The following ARHGEF3 variants were observed in gnomAD, a reference collection of about 807,000 sequenced individuals.
ARHGEF3 encodes 59.8 kDA protein.
ARHGEF3 carries 28 observed loss-of-function variants against 63.2 expected under a neutral mutation model. The ratio of observed to expected loss-of-function variants is 0.44; its 90% CI spans 0.33 to 0.61. The LOEUF (loss-of-function observed/expected upper bound fraction) is 0.61. ARHGEF3 is among the 20% of genes least tolerant of loss of function. The pLI, the probability that ARHGEF3 is intolerant of heterozygous loss-of-function variation, is 0.03. For missense variants in ARHGEF3, 533 were observed against 659.3 expected, an observed-to-expected ratio of 0.81 and a Z score of 2.10; for synonymous variants, 266 against 254.2, an observed-to-expected ratio of 1.05 and a Z score of -0.44.
At chr3:57,050,836 C>G (rs932063875) in intron 1 of ARHGEF3, among the ~76,000 whole-genome samples, 2 of 152,150 alleles carry the variant, frequency 1.3e-5, no homozygotes, top group Non-Finnish European at 2.9e-5. Flanking sequence ...TATCAATAAC[C>G]ACCAAAGTTT....
At chr3:56,871,031 C>G (rs1249317943) in intron 4 of ARHGEF3, among the ~76,000 whole-genome samples, 2 of 152,102 alleles carry the variant, frequency 1.3e-5, no homozygotes, top group Non-Finnish European at 2.9e-5. Context: ...ATTTATCTAT[C>G]TATCTAACTC....
chr3:56,958,850 G>C, exon 3 of ARHGEF3: 1 of 1,551,646 alleles, frequency 6.4e-7, no homozygotes, highest in South Asian at 1.2e-5. Context: ...CTTTAGGAGA[G>C]GGAAACATGG....
At chr3:56,982,080 G>A (rs1450937049) in intron 2 of ARHGEF3, among the ~76,000 whole-genome samples, 2 of 152,200 alleles carry the variant, frequency 1.3e-5, no homozygotes, top group South Asian at 2.1e-4. Flanking sequence ...ACTTGGAGCT[G>A]TGCAGGGCAT....
At chr3:56,965,625 A>C (rs979242455) in intron 2 of ARHGEF3, among the ~76,000 whole-genome samples, 1 of 151,558 alleles carries the variant, frequency 6.6e-6, no homozygotes, top group Admixed American at 6.6e-5. Context: ...ATAAGGAAGT[A>C]GATTAAATGA....
At chr3:56,771,665 A>T (rs1271044537) in intron 2 of ARHGEF3, among the ~76,000 whole-genome samples, 2 of 152,214 alleles carry the variant, frequency 1.3e-5, no homozygotes, top group Non-Finnish European at 2.9e-5. Context: ...TCTGGAACAT[A>T]GCAATATGAG....
chr3:56,979,479 C>T (rs75573935), intron 2 of ARHGEF3, among the ~76,000 whole-genome samples: 6,382 of 152,308 alleles, frequency 0.042, 476 homozygotes, highest in African/African-American at 0.14. Context: ...CAAGATGCCA[C>T]ACCTTCCCAA....
At chr3:56,870,288 T>C (rs1380104131) in intron 4 of ARHGEF3, among the ~76,000 whole-genome samples, 2 of 152,078 alleles carry the variant, frequency 1.3e-5, no homozygotes, top group African/African-American at 2.4e-5. Flanking sequence ...TTTTCAGTGA[T>C]AAAAAAGTAG....
At chr3:56,894,825 T>C (rs894958967) in intron 3 of ARHGEF3, among the ~76,000 whole-genome samples, 5 of 152,196 alleles carry the variant, frequency 3.3e-5, no homozygotes, top group African/African-American at 1.2e-4. Flanking sequence ...ATGGATTAAA[T>C]GCTGGATAAA....
At position 57,074,100 on chromosome 3, in the gene ARHGEF3, G is replaced by T; in HGVS notation, c.-28+5126C>A. 1.9e-6 allele frequency: 3 copies of T among 1,613,954 alleles called. No homozygotes were observed. The South Asian group carries it at 3.3e-5, about 18-fold the overall frequency. ...TCAATTTCTTGGTATGGAAGATGGGGATAATGAGAGGACCACAGGATGGTT... is the reference window on the plus strand; with the variant it reads ...TCAATTTCTTGGTATGGAAGATGGGTATAATGAGAGGACCACAGGATGGTT... On this transcript the variant is annotated intron_variant, in intron 1 of 12. Coordinates refer to the ARHGEF3 transcript ENST00000338458.
intron 4 of ARHGEF3, among the ~76,000 whole-genome samples, chr3:56,871,617 T>G (rs998644087): frequency 6.6e-6 from 1 of 152,182 alleles, no homozygotes; most frequent in Non-Finnish European, 1.5e-5. Context: ...ATTCTTACCT[T>G]TACTAACACT....
intron 4 of ARHGEF3, among the ~76,000 whole-genome samples, chr3:56,855,885 C>T (rs544380991): frequency 6.6e-6 from 1 of 152,152 alleles, no homozygotes; most frequent in Non-Finnish European, 1.5e-5. Flanking sequence ...CAAATACTTA[C>T]GCTTAACCCT....
chr3:56,786,667 T>TACATCTCA lies in ARHGEF3; in HGVS notation c.97-12852_97-12851insTGAGATGT, dbSNP rs1176028438. Reference sequence around the variant, plus strand: ...TATTTTGAACTCTCAGCAATTAATATGCAACCAGATGTATCATTATCTACA... The same window carrying TACATCTCA: ...TATTTTGAACTCTCAGCAATTAATATACATCTCAGCAACCAGATGTATCATTATCTACA... On this transcript the variant is annotated intron_variant, in intron 1 of 9. Coordinates refer to ENST00000296315, the MANE Select transcript of ARHGEF3 (RefSeq NM_019555.3). 6.7e-4 allele frequency among the ~76,000 whole-genome samples: 102 copies of TACATCTCA among 152,306 alleles called. 1 individual carries two copies. In the South Asian group the frequency reaches 0.017, roughly 25 times the overall value.
At chr3:56,761,964 A>G (rs1043369304) in intron 2 of ARHGEF3, among the ~76,000 whole-genome samples, 5 of 152,130 alleles carry the variant, frequency 3.3e-5, no homozygotes, top group African/African-American at 1.2e-4. Context: ...GGCCTGTAGA[A>G]AGTTTCTCAA....
intron 1 of ARHGEF3, chr3:57,079,105 G>C (rs1706346045): frequency 9.0e-6 from 3 of 335,006 alleles, no homozygotes; most frequent in Middle Eastern, 7.9e-4. Flanking sequence ...GGGCAAAGGA[G>C]GGACTAGACC....
intron 3 of ARHGEF3, among the ~76,000 whole-genome samples, chr3:56,882,508 CTTTTTTTTTTTT>C (rs397989726): frequency 2.4e-5 from 2 of 84,334 alleles, no homozygotes; most frequent in Non-Finnish European, 2.2e-5. Context: ...ATGAACACTT[CTTTTTTTTTTTT>C]TTTTTTTTTT....
intron 4 of ARHGEF3, among the ~76,000 whole-genome samples, chr3:56,866,637 T>C (rs1033340242): frequency 6.6e-6 from 1 of 152,252 alleles, no homozygotes; most frequent in Non-Finnish European, 1.5e-5. Context: ...ATATAAAAGA[T>C]GTACTGGTAC....
chr3:56,982,638 T>G (rs1227737441), intron 2 of ARHGEF3, among the ~76,000 whole-genome samples: 1 of 152,168 alleles, frequency 6.6e-6, no homozygotes, highest in African/African-American at 2.4e-5. Flanking sequence ...GCTATAACCC[T>G]AAGGCCCAGA....
rs575935519 is a variant in ARHGEF3, at chr3:56,800,503, A to T, written c.96+1200T>A. Among the ~76,000 whole-genome samples the T allele has an allele frequency of 2.0e-5, 3 of 152,276 alleles. No individual in the cohort carries two copies. The South Asian group carries it at 6.2e-4, about 32-fold the overall frequency. On this transcript the variant is annotated intron_variant, in intron 1 of 9. Transcript: ENST00000296315. ...AAGTTAGTTTGTGCTCAGCGTATAG[A>T]AAGCTGAATACAACCAGAGACTGCT...
At chr3:56,843,027 T>C (rs966968192) in intron 4 of ARHGEF3, among the ~76,000 whole-genome samples, 1 of 152,184 alleles carries the variant, frequency 6.6e-6, no homozygotes, top group African/African-American at 2.4e-5. Flanking sequence ...TTATTTCTCC[T>C]TGTAAAAACT....
Sources: allele counts gnomAD v4.1 joint callset (sites outside exome capture counted in the v4.1 genomes callset), GRCh38; gene constraint gnomAD v4.1.1; transcripts MANE v1.5; gene names NCBI Gene and HGNC (gene_info 2026-07-23, HGNC 2026-07-21).